AHCY: variants seen among roughly 807,000 people sequenced by gnomAD.
The protein encoded by AHCY is S-adenosyl-L-homocysteine hydrolase.
In AHCY, 24 loss-of-function variants were observed where a neutral mutation model predicts 45.4. The ratio of observed to expected loss-of-function variants is 0.53; its 90% confidence interval spans 0.38 to 0.74. The LOEUF is 0.74. AHCY is among the 30% of genes least tolerant of loss of function. The pLI is 0.00. For missense variants in AHCY, 449 were observed against 594.1 expected (o/e 0.76, Z 2.54); for synonymous variants, 245 against 235.1 (o/e 1.04, Z -0.39).
chr20:34,250,643 C>T, the AHCY span, among the ~76,000 whole-genome samples: 1 of 152,226 alleles, frequency 6.6e-6, no homozygotes, highest in South Asian at 2.1e-4. Context: ...ACTAAAAGTA[C>T]AAAATTAGCC....
the AHCY span, among the ~76,000 whole-genome samples, chr20:34,256,933 G>A: frequency 1.3e-5 from 2 of 151,874 alleles, no homozygotes; most frequent in Non-Finnish European, 2.9e-5. Flanking sequence ...GTCTTGTGCC[G>A]CCACTCCCTG....
At chr20:34,243,111 CCT>C in the AHCY span, among the ~76,000 whole-genome samples, 3 of 152,204 alleles carry the variant, frequency 2.0e-5, no homozygotes, top group Admixed American at 1.3e-4. Flanking sequence ...GACTCTGACC[CCT>C]GTTTCAGTGG....
In AHCY at chr20:34,290,644, CAG is replaced by C. The variant is rs61664915; in HGVS notation, c.767-8_767-7del. On this transcript the variant is annotated splice_polypyrimidine_tract_variant and splice_region_variant and intron_variant, in intron 6 of 9. Transcript: ENST00000217426. This position sits in a 1 kb window ranked among gnomAD's most constrained non-coding sequence, Gnocchi z 4.5. Reference sequence around the variant, plus strand: ...CATGGTGGTCACCTCATAGCCTGTGCAGAGACAGTGGCTGTGGGTCATCTACG... The same window carrying C: ...CATGGTGGTCACCTCATAGCCTGTGCAGACAGTGGCTGTGGGTCATCTACG... The C allele has an allele frequency of 2.3e-4, 372 of 1,614,100 alleles. 1 individual carries two copies. The African/African-American group carries it at 4.5e-3, about 19-fold the overall frequency.
rs1237426849 is a variant in AHCY at position 34,283,985 on chromosome 20, CA to C, written c.1167+1454del. ...ACTGAGGATTGGACAGGGTAAGGGA[CA>C]AAGCAAAGTTCACCTGTAAAACTGC... On this transcript the variant is annotated intron_variant, in intron 9 of 9. Transcript: ENST00000217426. Among the ~76,000 whole-genome samples, 4 of 151,892 alleles carry C rather than the reference CA, an allele frequency of 2.6e-5. No homozygotes were observed. In the East Asian group the frequency reaches 7.7e-4, roughly 29 times the overall value.
intron 1 of AHCY, chr20:34,302,096 G>T: frequency 1.7e-6 from 1 of 578,064 alleles, no homozygotes; most frequent in Non-Finnish European, 2.2e-6. Flanking sequence ...CGTCTCCCCG[G>T]CTCAAACAGT....
At chr20:34,258,628 G>A in the AHCY span, among the ~76,000 whole-genome samples, 1 of 111,596 alleles carries the variant, frequency 9.0e-6, no homozygotes, top group Admixed American at 1.2e-4. Context: ...AAATCATGGT[G>A]GAGAGCCCCT....
chr20:34,265,733 T>C, the AHCY span, among the ~76,000 whole-genome samples: 1 of 150,282 alleles, frequency 6.7e-6, no homozygotes, highest in African/African-American at 2.4e-5. Context: ...GTGGATCACC[T>C]TAGGTCAGGA....
chr20:34,236,296 T>G, the AHCY span, among the ~76,000 whole-genome samples: 1 of 152,146 alleles, frequency 6.6e-6, no homozygotes, highest in Admixed American at 6.6e-5. Context: ...TCCCAGCACT[T>G]TGGGAGGCCG....
At chr20:34,236,973 C>T in the AHCY span, among the ~76,000 whole-genome samples, 1 of 152,106 alleles carries the variant, frequency 6.6e-6, no homozygotes, top group African/African-American at 2.4e-5. Context: ...TCTTATTTCC[C>T]CCATTAAATG....
intron 1 of AHCY, among the ~76,000 whole-genome samples, chr20:34,296,361 A>C (rs984399948): frequency 1.3e-5 from 2 of 152,190 alleles, no homozygotes; most frequent in African/African-American, 4.8e-5. Flanking sequence ...TTCAATAAGC[A>C]GGATCATTTG....
At chr20:34,302,207 GC>G in intron 1 of AHCY, 1 of 160,680 alleles carries the variant, frequency 6.2e-6, no homozygotes, top group Non-Finnish European at 1.3e-5. Context: ...CACCACGTTG[GC>G]CAGGCTGGTC....
At chr20:34,233,253 T>C in the AHCY span, among the ~76,000 whole-genome samples, 1 of 148,370 alleles carries the variant, frequency 6.7e-6, no homozygotes, top group South Asian at 2.2e-4. Context: ...GTTCACCCCA[T>C]TCTCCTGCCT....
At chr20:34,251,912 C>T in the AHCY span, among the ~76,000 whole-genome samples, 2 of 152,160 alleles carry the variant, frequency 1.3e-5, no homozygotes, top group South Asian at 4.1e-4. Context: ...TCCCAGCCTC[C>T]AGAACCATGA....
chr20:34,265,305 T>A, the AHCY span, among the ~76,000 whole-genome samples: 1 of 149,768 alleles, frequency 6.7e-6, no homozygotes, highest in South Asian at 2.1e-4. Flanking sequence ...GGCAGATCAC[T>A]TGAGTCCAGG....
rs372587757 is a variant in AHCY, at chr20:34,281,027, C to T, written c.*7G>A. ...AGCAGCTGGAGGGTGAAACGCAGAC[C>T]TGGCTCTCAGTAGCGGTAGTGATCC... On this transcript the variant is annotated 3_prime_UTR_variant, in exon 10 of 10. Transcript: ENST00000217426. The T allele has an allele frequency of 9.3e-6, 15 of 1,613,986 alleles. No individual in the cohort carries two copies. The highest frequency in any genetic ancestry group is 5.3e-5 in the African/African-American group (4 of 74,948).
At chr20:34,279,109 CAAAAAAAAAAAA>C (rs11467322), downstream of AHCY, among the ~76,000 whole-genome samples, 1 of 55,634 alleles carries the variant, frequency 1.8e-5, no homozygotes. Context: ...GACTCCGTCT[CAAAAAAAAAAAA>C]AAAAAAAAAA....
chr20:34,261,226 G>A, the AHCY span, among the ~76,000 whole-genome samples: 1 of 152,174 alleles, frequency 6.6e-6, no homozygotes, highest in Non-Finnish European at 1.5e-5. Context: ...GGCTGGGTGA[G>A]GTGGCTCACA....
the AHCY span, among the ~76,000 whole-genome samples, chr20:34,267,484 G>A: frequency 0.016 from 1,390 of 85,604 alleles, no homozygotes; most frequent in African/African-American, 0.037. Flanking sequence ...AAAAAAAAAA[G>A]AACTGTGATG....
At chr20:34,245,870 AT>A in the AHCY span, 8 of 937,638 alleles carry the variant, frequency 8.5e-6, no homozygotes, top group African/African-American at 1.4e-4. Flanking sequence ...GTAAATATAT[AT>A]ATATGTATAT....
Sources: gnomAD v4.1 joint callset for allele counts (sites outside exome capture counted in the v4.1 genomes callset) on GRCh38, gnomAD v4.1.1 for gene constraint, Gnocchi (gnomAD v3.1) non-coding constraint, MANE v1.5 for transcripts, NCBI Gene and HGNC (gene_info 2026-07-23, HGNC 2026-07-21) for gene names.